CRYBG3: variants seen among roughly 807,000 people sequenced by gnomAD.
CRYBG3 encodes very large A-kinase anchor protein.
Under a neutral mutation model 244.2 loss-of-function variants are expected in CRYBG3, and 127 were observed. The observed-to-expected ratio is 0.52, with a 90% CI of 0.45 to 0.60. The LOEUF (loss-of-function observed/expected upper bound fraction) is 0.60. Among genes scored for constraint, CRYBG3 ranks in the 20% least tolerant of loss-of-function variants. CRYBG3 has a pLI of 0.00. For synonymous variants in CRYBG3, 1,132 were observed against 1,195.8 expected (o/e 0.95, Z 1.10); for missense variants, 3,325 against 3,442.5 (o/e 0.97, Z 0.85).
chr3:97,836,474 G>T (rs1444466637), intron 1 of CRYBG3, among the ~76,000 whole-genome samples: 1 of 152,078 alleles, frequency 6.6e-6, no homozygotes, highest in Non-Finnish European at 1.5e-5. Context: ...GAAATCATTG[G>T]TGTGGAACTC....
At chr3:97,888,519 C>T (rs2039535233) in intron 9 of CRYBG3, 64 bp downstream of exon 9, 1 of 1,083,754 alleles carries the variant, frequency 9.2e-7, no homozygotes, top group South Asian at 1.3e-5. Context: ...ATTAAATAAC[C>T]ATGATGTTTG....
intron 2 of CRYBG3, among the ~76,000 whole-genome samples, chr3:97,862,109 A>G (rs1211252054): frequency 6.6e-6 from 1 of 151,870 alleles, no homozygotes; most frequent in Non-Finnish European, 1.5e-5. Flanking sequence ...TTAAAAAATT[A>G]TTTACTACTT....
At chr3:97,850,005 A>G (rs927318221) in intron 2 of CRYBG3, among the ~76,000 whole-genome samples, 1 of 152,094 alleles carries the variant, frequency 6.6e-6, no homozygotes, top group Non-Finnish European at 1.5e-5. Flanking sequence ...CCCAGCATAT[A>G]TCGTGAGCTT....
At chr3:97,824,989 T>A (rs902482625) in intron 1 of CRYBG3, among the ~76,000 whole-genome samples, 2 of 152,022 alleles carry the variant, frequency 1.3e-5, no homozygotes, top group South Asian at 4.2e-4. Context: ...TTCAAGGAAT[T>A]GGTGATGTTT....
At position 97,881,233 on chromosome 3, in the gene CRYBG3, A is replaced by G. The variant is rs1403295393; in HGVS notation, c.7152+14A>G. 1 of 1,544,886 alleles carries G rather than the reference A, an allele frequency of 6.5e-7. No individual in the cohort carries two copies. The highest frequency in any genetic ancestry group is 8.8e-7 in the Non-Finnish European group (1 of 1,142,166). On this transcript the variant is annotated intron_variant, in intron 7 of 21. Transcript: ENST00000389622. ...CGTGTCTTAAAGGTAACAACTGTAGATTTTTCTATTTTTTATTTGATTTTA... is the reference window on the plus strand; with the variant it reads ...CGTGTCTTAAAGGTAACAACTGTAGGTTTTTCTATTTTTTATTTGATTTTA...
intron 7 of CRYBG3, among the ~76,000 whole-genome samples, chr3:97,884,431 G>A (rs572126569): frequency 6.6e-6 from 1 of 152,110 alleles, no homozygotes; most frequent in Non-Finnish European, 1.5e-5. Context: ...CTTATATAAG[G>A]TAGAGACAAA....
Position 97,895,946 on chromosome 3 carries a change from C to T in CRYBG3, c.7575-13C>T. 2 of 1,608,902 alleles carry T rather than the reference C, an allele frequency of 1.2e-6. No homozygotes were observed. Among genetic ancestry groups the T allele is most frequent in the Non-Finnish European group, 1.7e-6 (2 of 1,177,944 alleles). On this transcript the variant is annotated splice_polypyrimidine_tract_variant and intron_variant, in intron 11 of 21. Coordinates refer to ENST00000389622, the MANE Select transcript of CRYBG3 (RefSeq NM_153605.4). ...TTATTAATGGGTCATTTGGGTGTCC[C>T]CTGTATTTCTAGGTGGGTTGCCTAT...
chr3:97,879,570 G>A (rs1159891654), intron 4 of CRYBG3, 134 bp from the exon 5 acceptor site: 9 of 598,520 alleles, frequency 1.5e-5, no homozygotes, highest in Admixed American at 6.7e-5. Context: ...CACTTGTATC[G>A]AGAGAAGCAC....
intron 1 of CRYBG3, among the ~76,000 whole-genome samples, chr3:97,835,471 G>C (rs2038719693): frequency 6.6e-6 from 1 of 152,056 alleles, no homozygotes; most frequent in Non-Finnish European, 1.5e-5. Context: ...CACTTAGAAG[G>C]TCCTGGGGCA....
At chr3:97,869,941 C>T (rs2039281394) in intron 3 of CRYBG3, among the ~76,000 whole-genome samples, 1 of 152,020 alleles carries the variant, frequency 6.6e-6, no homozygotes, top group South Asian at 2.1e-4. Flanking sequence ...ATCAATTAGA[C>T]AAATCTAGAA....
chr3:97,829,592 A>G (rs1256561780), intron 1 of CRYBG3, among the ~76,000 whole-genome samples: 3 of 152,190 alleles, frequency 2.0e-5, no homozygotes, highest in Non-Finnish European at 4.4e-5. Context: ...TTTATATTTT[A>G]TTGGAAAAGT....
intron 19 of CRYBG3, among the ~76,000 whole-genome samples, chr3:97,937,142 G>A (rs943912787): frequency 2.2e-4 from 33 of 152,150 alleles, no homozygotes; most frequent in East Asian, 5.8e-4. Flanking sequence ...TTCACTTTTC[G>A]TGGAAAACTA....
At position 97,942,386 on chromosome 3, in the gene CRYBG3, A is replaced by C. The variant is rs1466749834; in HGVS notation, c.8767A>C (p.Asn2923His). 6.2e-7 allele frequency: 1 copy of C among 1,611,822 alleles called. No individual in the cohort carries two copies. The highest frequency in any genetic ancestry group is 8.5e-7 in the Non-Finnish European group (1 of 1,178,586). ...HGQFRQKWRLNKNGTISSYLS... is the reference protein window; with the variant it reads ...HGQFRQKWRLHKNGTISSYLS... The stretch of plus-strand genomic sequence containing the variant: ...GCAATTCAGGCAGAAGTGGAGACTG[A>C]ATAAAAATGGAACTATCAGCTCTTA... Residue 2923 changes from asparagine to histidine, a missense_variant, in exon 21 of 22, where the codon AAT becomes CAT. Physicochemically the swap from Asn to His is moderately conservative, Grantham distance 68. Around this residue, in one of 4 missense-constraint regions of CRYBG3, gnomAD observed 714 missense variants for 803.6 expected, o/e 0.89. Coordinates refer to ENST00000389622, the MANE Select transcript of CRYBG3 (RefSeq NM_153605.4).
chr3:97,826,447 T>TA (rs1410397989), intron 1 of CRYBG3, among the ~76,000 whole-genome samples: 3 of 152,190 alleles, frequency 2.0e-5, no homozygotes, highest in Non-Finnish European at 4.4e-5. Context: ...GTAAAAAGGG[T>TA]AATAGCAAGT....
chr3:97,825,889 T>C (rs550211757), intron 1 of CRYBG3, among the ~76,000 whole-genome samples: 1 of 152,338 alleles, frequency 6.6e-6, no homozygotes, highest in South Asian at 2.1e-4. Flanking sequence ...ACTACCAGTG[T>C]TGACAACAGC....
chr3:97,853,184 C>T (rs2108187485), intron 2 of CRYBG3, among the ~76,000 whole-genome samples: 1 of 151,080 alleles, frequency 6.6e-6, no homozygotes, highest in African/African-American at 2.4e-5. Flanking sequence ...CCCAAAGTCC[C>T]CAGAGTCCAT....
chr3:97,870,732 C>T (rs2039292615), intron 3 of CRYBG3, among the ~76,000 whole-genome samples: 1 of 152,052 alleles, frequency 6.6e-6, no homozygotes, highest in Non-Finnish European at 1.5e-5. Context: ...AGTATCATTC[C>T]TTTACTTATT....
chr3:97,828,643 A>G (rs2108152271), intron 1 of CRYBG3, among the ~76,000 whole-genome samples: 1 of 152,074 alleles, frequency 6.6e-6, no homozygotes. Context: ...CCTGACCAAC[A>G]TAGTGAAATC....
At chr3:97,849,319 A>G (rs1399598096) in intron 2 of CRYBG3, among the ~76,000 whole-genome samples, 1 of 152,172 alleles carries the variant, frequency 6.6e-6, no homozygotes. Flanking sequence ...GGTGAATAGT[A>G]TAGAAGGCAC....
Sources: gnomAD v4.1 joint callset for allele counts (sites outside exome capture counted in the v4.1 genomes callset) on GRCh38, gnomAD v4.1.1 for gene constraint, gnomAD v4.1.1 regional missense constraint, MANE v1.5 for transcripts, NCBI Gene and HGNC (gene_info 2026-07-23, HGNC 2026-07-21) for gene names.